Variants in MAGEA11 observed in about 807,000 individuals in gnomAD.
MAGEA11 encodes the protein MAGE family member A11.
Under a neutral mutation model 8.4 loss-of-function variants are expected in MAGEA11, and 1 was observed. That is an observed-to-expected ratio of 0.12 (90% CI 0.04 to 0.57). The LOEUF is 0.57. Ranked by LOEUF, MAGEA11 falls within the 20% of genes least tolerant of loss-of-function variation. The pLI, the probability that MAGEA11 is intolerant of heterozygous loss-of-function variation, is 0.91. For synonymous variants in MAGEA11, 127 were observed against 119.3 expected (o/e 1.06, Z -0.42); for missense variants, 209 against 317.3 (o/e 0.66, Z 2.59).
chrX:149,715,078 C>A (rs1352308578), intron 3 of MAGEA11, among the ~76,000 whole-genome samples: 3 of 111,783 alleles, frequency 2.7e-5, no homozygotes, highest in Non-Finnish European at 3.8e-5. Flanking sequence ...CTCTTGCTGT[C>A]CTTCCTGGGT....
chrX:149,692,848 G>T (rs2090315984), intron 1 of MAGEA11, among the ~76,000 whole-genome samples: 4 of 111,720 alleles, frequency 3.6e-5, no homozygotes, highest in Non-Finnish European at 7.5e-5. Flanking sequence ...AGTCTCATGA[G>T]ATCTGATGGT....
chrX:149,712,758 C>T (rs781822247), intron 1 of MAGEA11, among the ~76,000 whole-genome samples: 1 of 112,408 alleles, frequency 8.9e-6, no homozygotes, highest in African/African-American at 3.2e-5. Flanking sequence ...CCCCCCGCCG[C>T]TTAAGCCTCA....
At chrX:149,690,414 T>A (rs1557360034) in intron 1 of MAGEA11, among the ~76,000 whole-genome samples, 1 of 112,517 alleles carries the variant, frequency 8.9e-6, no homozygotes, top group East Asian at 2.8e-4. Context: ...TTTAAAAATG[T>A]CTTGTTATGT....
intron 1 of MAGEA11, among the ~76,000 whole-genome samples, chrX:149,692,948 A>G (rs1290686540): frequency 8.9e-6 from 1 of 111,877 alleles, no homozygotes; most frequent in Non-Finnish European, 1.9e-5. Context: ...CTTGCCTTCC[A>G]CCATGATTGT....
At chrX:149,689,759 G>A (rs1202823775) in intron 1 of MAGEA11, among the ~76,000 whole-genome samples, 1 of 112,601 alleles carries the variant, frequency 8.9e-6, no homozygotes, top group African/African-American at 3.2e-5. Context: ...TGGCTCTCCA[G>A]CCCTGCCAAC....
chrX:149,702,188 T>C (rs1557361088), intron 1 of MAGEA11, among the ~76,000 whole-genome samples: 1 of 111,815 alleles, frequency 8.9e-6, no homozygotes, highest in Non-Finnish European at 1.9e-5. Flanking sequence ...GGGTTAGGTC[T>C]GGCTGGTTTA....
Position 149,715,778 on chromosome X carries a change from T to C in MAGEA11, c.292T>C (p.Phe98Leu). 8.3e-7 allele frequency: 1 copy of C among 1,202,089 alleles called. No homozygotes were observed. The highest frequency in any genetic ancestry group is 1.1e-6 in the Non-Finnish European group (1 of 891,159). The stretch of plus-strand genomic sequence containing the variant: ...GCTGTGGGGCCCCATCACCCAGATA[T>C]TTCCCACAGTTCGGCCTGCTGACCT... Reference protein sequence around the residue: ...QVLWGPITQIFPTVRPADLTR... With the variant: ...QVLWGPITQILPTVRPADLTR... The change falls in exon 5 of 5, where the codon TTT becomes CTT. Residue 98 changes from phenylalanine (F) to leucine (L), a missense_variant. By Grantham distance (22) the Phe-to-Leu change is conservative. This residue lies in a region of MAGEA11 where 131 missense variants were observed against 138.5 expected (regional missense o/e 0.95). Transcript: ENST00000355220.
intron 1 of MAGEA11, among the ~76,000 whole-genome samples, chrX:149,698,263 T>C (rs1210046275): frequency 2.7e-5 from 3 of 111,822 alleles, no homozygotes; most frequent in Non-Finnish European, 3.8e-5. Context: ...TCATTAAGTA[T>C]GATGTTAACT....
chrX:149,703,306 C>T (rs926661395), intron 1 of MAGEA11, among the ~76,000 whole-genome samples: 2 of 112,397 alleles, frequency 1.8e-5, no homozygotes, highest in Non-Finnish European at 3.8e-5. Flanking sequence ...AACATTTGTG[C>T]AAGGAACAAT....
chrX:149,700,418 G>C (rs5940669), intron 1 of MAGEA11, among the ~76,000 whole-genome samples: 45,268 of 110,147 alleles, frequency 0.41, 7,297 homozygotes, highest in East Asian at 0.95. Flanking sequence ...TATCATTTAT[G>C]TCAAAATATT....
At chrX:149,688,707 TAC>T (rs1569561310), upstream of MAGEA11, 3 of 223,339 alleles carry the variant, frequency 1.3e-5, no homozygotes, top group Non-Finnish European at 2.5e-5. Context: ...CATATACATA[TAC>T]ACATACACAT....
chrX:149,710,205 C>A (rs782484647), upstream of MAGEA11, among the ~76,000 whole-genome samples: 6 of 111,624 alleles, frequency 5.4e-5, no homozygotes, highest in South Asian at 1.9e-3. Context: ...GCAACAATAT[C>A]CAAAAATTAC....
rs1557362454 is a variant in MAGEA11 at position 149,716,038 on chromosome X, C to T, written c.552C>T (p.Ala184=). Residue 184 remains alanine, a synonymous_variant, in exon 5 of 5, where the codon GCC becomes GCT. Transcript: ENST00000355220. ...AGGAAGAGTCCTTCTCTCCCACTGC[C>T]ATGGATGCCATCTTTGGGAGCCTAT... is the stretch of plus-strand genomic sequence containing the variant. ...SPQEESFSPT[A]MDAIFGSLSD... The T allele has an allele frequency of 8.3e-7, 1 of 1,211,957 alleles. No homozygotes were observed. The highest frequency in any genetic ancestry group is 2.2e-5 in the Admixed American group (1 of 46,078).
intron 2 of MAGEA11, 69 bp from the exon 3 acceptor site, chrX:149,714,412 C>T: frequency 1.7e-6 from 2 of 1,173,727 alleles, no homozygotes; most frequent in Admixed American, 2.4e-5. Context: ...CTGCTGTCAG[C>T]CCTGGACAAC....
At chrX:149,688,685 CATAT>C (rs2090297461), upstream of MAGEA11, 2 of 191,667 alleles carry the variant, frequency 1.0e-5, no homozygotes, top group South Asian at 8.6e-5. Context: ...TATACATATA[CATAT>C]ACATATACAT....
At chrX:149,714,373 G>A in intron 2 of MAGEA11, 108 bp from the exon 3 acceptor site, 1 of 1,081,249 alleles carries the variant, frequency 9.2e-7, no homozygotes, top group Non-Finnish European at 1.2e-6. Flanking sequence ...GGAGGACTTT[G>A]GAATCCCCAG....
chrX:149,698,089 A>G (rs1557360711), intron 1 of MAGEA11, among the ~76,000 whole-genome samples: 2 of 112,106 alleles, frequency 1.8e-5, no homozygotes, highest in African/African-American at 6.5e-5. Flanking sequence ...GAAAAGGGAC[A>G]AATACAATCA....
At chrX:149,692,953 G>A (rs1557360272) in intron 1 of MAGEA11, among the ~76,000 whole-genome samples, 1 of 112,016 alleles carries the variant, frequency 8.9e-6, no homozygotes, top group Non-Finnish European at 1.9e-5. Context: ...CTTCCACCAT[G>A]ATTGTGAGGC....
intron 1 of MAGEA11, among the ~76,000 whole-genome samples, chrX:149,694,721 C>CT (rs1400665861): frequency 3.7e-5 from 4 of 109,397 alleles, no homozygotes; most frequent in Non-Finnish European, 5.7e-5. Flanking sequence ...CTTTTCTTTT[C>CT]TTTTTTTTAA....
Sources: allele counts gnomAD v4.1 joint callset (sites outside exome capture counted in the v4.1 genomes callset), GRCh38; gene constraint gnomAD v4.1.1; regional missense constraint gnomAD v4.1.1; transcripts MANE v1.5; gene names NCBI Gene and HGNC (gene_info 2026-07-23, HGNC 2026-07-21).